The following PTCD1 variants were observed in gnomAD, a reference collection of about 807,000 sequenced individuals.
The protein encoded by PTCD1 is pentatricopeptide repeat domain 1.
In PTCD1, 50 loss-of-function variants were observed where a neutral mutation model predicts 53.4. The observed-to-expected ratio is 0.94, with a 90% CI of 0.75 to 1.19. The LOEUF is 1.19. Ranked by LOEUF, PTCD1 falls within the 50% of genes most tolerant of loss-of-function variation. PTCD1 has a pLI of 0.00. For missense variants in PTCD1, 918 were observed against 904.8 expected, an observed-to-expected ratio of 1.01 and a Z score of -0.19; for synonymous variants, 413 against 394.8, an observed-to-expected ratio of 1.05 and a Z score of -0.55.
chr7:99,438,454 GA>G (rs1365584822), intron 1 of PTCD1: 3 of 1,023,374 alleles, frequency 2.9e-6, no homozygotes, highest in Middle Eastern at 4.4e-4. Flanking sequence ...CACAGAGCGA[GA>G]AAAAACCCTG....
At position 99,420,744 on chromosome 7, in the gene PTCD1, G is replaced by A. The variant is rs148920151; in HGVS notation, c.1921-595C>T. ...GGCCGAGGTGGGCAGATCACTTGAG[G>A]TCAGGAGTTCGAGACCAGCCTGGCC... On this transcript the variant is annotated intron_variant, in intron 7 of 7. Transcript: ENST00000292478. Among the ~76,000 whole-genome samples, 10 of 152,270 alleles carry A rather than the reference G, an allele frequency of 6.6e-5. No homozygotes were observed. The East Asian group carries it at 1.9e-3, about 29-fold the overall frequency.
In PTCD1 at chr7:99,419,275, G is replaced by C. The variant is rs11555143; in HGVS notation, c.*692C>G. The C allele has an allele frequency of 6.4e-3, 8,293 of 1,288,200 alleles. 38 individuals carry two copies. The highest frequency in any genetic ancestry group is 8.4e-3 in the Admixed American group (487 of 57,820). 79.8% of individuals were successfully genotyped at this position (1,288,200 alleles called of 1,614,324 possible). A position where few individuals can be genotyped will look rare whatever the true frequency, so the allele number is the denominator to read the frequency against. ...AGAGCTGTCAAGGAAGGGTTTCTGA[G>C]GTGTGTCCCTATATGGCATGGTGGC... On this transcript the variant is annotated 3_prime_UTR_variant, in exon 8 of 8. Coordinates refer to ENST00000292478, the MANE Select transcript of PTCD1 (RefSeq NM_015545.4).
In PTCD1 at chr7:99,417,511, G is replaced by T; in HGVS notation, c.*2456C>A. The T allele has an allele frequency of 6.2e-7, 1 of 1,611,700 alleles. No individual in the cohort carries two copies. Among genetic ancestry groups the T allele is most frequent in the Non-Finnish European group, 8.5e-7 (1 of 1,178,322 alleles). On this transcript the variant is annotated 3_prime_UTR_variant, in exon 8 of 8. Transcript: ENST00000292478. Reference sequence around the variant, plus strand: ...GGAAAAAGCAAGGATATGAGAACTTGTGCTGCCTGCGGTGCATTCAGACAC... The same window carrying T: ...GGAAAAAGCAAGGATATGAGAACTTTTGCTGCCTGCGGTGCATTCAGACAC...
At chr7:99,429,407 G>A (rs1796175639) in intron 4 of PTCD1, among the ~76,000 whole-genome samples, 181 bp downstream of exon 4, 1 of 152,116 alleles carries the variant, frequency 6.6e-6, no homozygotes, top group African/African-American at 2.4e-5. Context: ...CACAGCACAC[G>A]GTGGCATACA....
chr7:99,424,574 A>T (rs985309411), intron 6 of PTCD1, among the ~76,000 whole-genome samples: 1 of 152,016 alleles, frequency 6.6e-6, no homozygotes, highest in Non-Finnish European at 1.5e-5. Context: ...TCCGGATGGG[A>T]ACATCCGTGT....
chr7:99,436,444 A>C (rs1408457342), intron 1 of PTCD1, among the ~76,000 whole-genome samples: 2 of 152,086 alleles, frequency 1.3e-5, no homozygotes, highest in East Asian at 3.9e-4. Flanking sequence ...GGTGAACCCT[A>C]TCTCTGCCGA....
intron 1 of PTCD1, among the ~76,000 whole-genome samples, chr7:99,438,386 G>GAGTC (rs1796578697): frequency 6.6e-6 from 1 of 152,082 alleles, no homozygotes; most frequent in Admixed American, 6.5e-5. Context: ...AGGATCGCTT[G>GAGTC]AGTCTGAGAA....
In PTCD1 at chr7:99,429,798, C is replaced by T; in HGVS notation, c.603G>A (p.Lys201=). The T allele has an allele frequency of 1.2e-6, 2 of 1,614,084 alleles. No individual in the cohort carries two copies. The highest frequency in any genetic ancestry group is 1.7e-6 in the Non-Finnish European group (2 of 1,180,026). The change falls in exon 4 of 8, where the codon AAG becomes AAA. Residue 201 remains lysine, a synonymous_variant. Transcript: ENST00000292478. ...KAFNLYNQMK[K]RDLEPSDATY... is the part of the protein sequence containing the mutation. ...TGGCGTCCGAGGGCTCCAGGTCCCG[C>T]TTTTTCATCTGTGGAGATGGAAGAA...
rs145418765 is a variant in PTCD1 at position 99,435,082 on chromosome 7, G to A, written c.161C>T (p.Pro54Leu). Reference sequence around the variant, plus strand: ...GTTTTCCTGACGCTCCTGGCCGAGGGGCAGCTGAGAGGAGGAGCTGCTGAA... The same window carrying A: ...GTTTTCCTGACGCTCCTGGCCGAGGAGCAGCTGAGAGGAGGAGCTGCTGAA... ...APFSSSSSQL[P>L]LGQERQENTG... Residue 54 changes from proline to leucine, a missense_variant, in exon 2 of 8, where the codon CCC becomes CTC. By Grantham distance (98) the Pro-to-Leu change is moderately conservative. Coordinates refer to ENST00000292478, the MANE Select transcript of PTCD1 (RefSeq NM_015545.4). 1 of 1,610,384 alleles carries A rather than the reference G, an allele frequency of 6.2e-7. No homozygotes were observed. The highest frequency in any genetic ancestry group is 1.7e-5 in the Admixed American group (1 of 59,968).
Position 99,418,332 on chromosome 7 carries a change from T to G in PTCD1, c.*1635A>C, listed in dbSNP as rs1795623338. ...ACTCCTAGGCCAGGCGCCTCAGGAG[T>G]GGTGCTGAGGGACAGGAGCTGAGCT... On this transcript the variant is annotated 3_prime_UTR_variant, in exon 8 of 8. Transcript: ENST00000292478. 6.4e-6 allele frequency: 1 copy of G among 157,004 alleles called. No homozygotes were observed. The highest frequency in any genetic ancestry group is 1.9e-4 in the South Asian group (1 of 5,378). The allele number at this position is 157,004 out of a possible 1,614,324, so 9.7% of individuals were successfully genotyped here.
intron 1 of PTCD1, among the ~76,000 whole-genome samples, chr7:99,435,550 A>T (rs1723503368): frequency 1.3e-5 from 2 of 152,096 alleles, no homozygotes; most frequent in Non-Finnish European, 2.9e-5. Context: ...GAGGCAGGAG[A>T]ATCACCTGAA....
chr7:99,422,430 T>C (rs1176816079), intron 7 of PTCD1, among the ~76,000 whole-genome samples: 1 of 152,176 alleles, frequency 6.6e-6, no homozygotes, highest in African/African-American at 2.4e-5. Flanking sequence ...CAGAGCCTGA[T>C]AGCCTCAGAA....
intron 5 of PTCD1, among the ~76,000 whole-genome samples, chr7:99,427,665 G>A (rs1287879153): frequency 1.3e-5 from 2 of 152,132 alleles, no homozygotes; most frequent in Non-Finnish European, 1.5e-5. Flanking sequence ...AATAGAAAGG[G>A]GGGAAAGGTG....
At position 99,438,738 on chromosome 7, in the gene PTCD1, C is replaced by T. The variant is rs185519562; in HGVS notation, c.-73G>A. The T allele has an allele frequency of 9.9e-4, 1,305 of 1,313,846 alleles. 14 individuals carry two copies. The Admixed American group carries it at 0.02, about 20-fold the overall frequency. The allele number at this position is 1,313,846 out of a possible 1,614,324, so 81.4% of individuals were successfully genotyped here. A position where few individuals can be genotyped will look rare whatever the true frequency, so the allele number is the denominator to read the frequency against. On this transcript the variant is annotated 5_prime_UTR_variant, in exon 1 of 8. Coordinates refer to ENST00000292478, the MANE Select transcript of PTCD1 (RefSeq NM_015545.4). Reference sequence around the variant, plus strand: ...ACTCCGACGGGGAGCCCTGCCCGGTCCCCGCGGCGAACCAGTCTCTTCCTC... The same window carrying T: ...ACTCCGACGGGGAGCCCTGCCCGGTTCCCGCGGCGAACCAGTCTCTTCCTC...
At chr7:99,433,825 G>A (rs1014712858) in intron 2 of PTCD1, among the ~76,000 whole-genome samples, 4 of 151,974 alleles carry the variant, frequency 2.6e-5, no homozygotes, top group Admixed American at 2.0e-4. Context: ...AGGCTGAGGC[G>A]GGCAGATCAC....
chr7:99,429,651 G>A lies in PTCD1; in HGVS notation c.750C>T (p.Tyr250=), dbSNP rs764107048. The change falls in exon 4 of 8, where the codon TAC becomes TAT. Residue 250 remains tyrosine (Y), a synonymous_variant. Coordinates refer to ENST00000292478, the MANE Select transcript of PTCD1 (RefSeq NM_015545.4). ...TGGCAGCCATCTTCAGCAGCGCGTG[G>A]TATGTTTTCAAGTTGAGCTCGAAGT... ...AKNFELNLKT[Y]HALLKMAAKC... 3.7e-6 allele frequency: 6 copies of A among 1,614,106 alleles called. No individual in the cohort carries two copies. In the South Asian group the frequency reaches 5.5e-5, roughly 15 times the overall value.
At chr7:99,433,114 G>A (rs904954498) in intron 3 of PTCD1, among the ~76,000 whole-genome samples, 164 bp downstream of exon 3, 1 of 152,222 alleles carries the variant, frequency 6.6e-6, no homozygotes, top group East Asian at 1.9e-4. Context: ...GGCTTTCCAT[G>A]TCATCTCGTT....
chr7:99,424,637 G>A (rs1262719116), intron 6 of PTCD1, among the ~76,000 whole-genome samples, 158 bp downstream of exon 6: 3 of 152,142 alleles, frequency 2.0e-5, no homozygotes, highest in Non-Finnish European at 4.4e-5. Flanking sequence ...CCCCAAAATG[G>A]GACCAAAGAC....
At position 99,417,188 on chromosome 7, in the gene PTCD1, C is replaced by T; in HGVS notation, c.*2779G>A. ...TCTCCTGCCTCAGCCTCCTAAGTAG[C>T]TGGGATTACAGCTGCTACCACGCCC... On this transcript the variant is annotated 3_prime_UTR_variant, in exon 8 of 8. Coordinates refer to ENST00000292478, the MANE Select transcript of PTCD1 (RefSeq NM_015545.4). 4.9e-6 allele frequency: 2 copies of T among 407,640 alleles called. No homozygotes were observed. Among genetic ancestry groups the T allele is most frequent in the South Asian group, 4.4e-5 (2 of 45,552 alleles). The allele number at this position is 407,640 out of a possible 1,614,324, so 25.3% of individuals were successfully genotyped here. A position where few individuals can be genotyped will look rare whatever the true frequency, so the allele number is the denominator to read the frequency against.
Sources: allele counts gnomAD v4.1 joint callset (sites outside exome capture counted in the v4.1 genomes callset), GRCh38; gene constraint gnomAD v4.1.1; transcripts MANE v1.5; gene names NCBI Gene and HGNC (gene_info 2026-07-23, HGNC 2026-07-21).